The following ENOX1 variants were observed in gnomAD, a reference collection of about 807,000 sequenced individuals.
ENOX1 encodes candidate growth-related and time keeping constitutive hydroquinone (NADH) oxidase.
A neutral mutation model predicts 82.5 loss-of-function variants in ENOX1; 42 were observed. That is an observed-to-expected ratio of 0.51 (90% CI 0.40 to 0.66). The LOEUF is 0.66. Among genes scored for constraint, ENOX1 ranks in the 30% least tolerant of loss-of-function variants. The pLI is 0.00. For synonymous variants in ENOX1, 271 were observed against 282.2 expected, an observed-to-expected ratio of 0.96 and a Z score of 0.40; for missense variants, 608 against 811.6, an observed-to-expected ratio of 0.75 and a Z score of 3.05.
At chr13:43,548,888 T>C (rs967946183) in intron 2 of ENOX1, among the ~76,000 whole-genome samples, 2 of 152,162 alleles carry the variant, frequency 1.3e-5, no homozygotes, top group Non-Finnish European at 2.9e-5. Context: ...TATTACCTTC[T>C]GCAAAAGCGC....
intron 1 of ENOX1, among the ~76,000 whole-genome samples, chr13:43,780,247 A>G (rs1286957294): frequency 6.6e-6 from 1 of 152,042 alleles, no homozygotes; most frequent in Non-Finnish European, 1.5e-5. Context: ...ACAAATGTTT[A>G]TTAAAGAAAT....
chr13:43,381,467 C>T (rs2052034581), intron 5 of ENOX1, among the ~76,000 whole-genome samples: 1 of 72,034 alleles, frequency 1.4e-5, no homozygotes, highest in Admixed American at 1.7e-4. Context: ...TGGCTTCTAT[C>T]TTATAAAAAA....
intron 14 of ENOX1, 78 bp downstream of exon 14, chr13:43,265,320 G>C: frequency 8.2e-7 from 1 of 1,214,026 alleles, no homozygotes; most frequent in Admixed American, 2.1e-5. Context: ...TCCTTTATGT[G>C]GTAGATAAAG....
chr13:43,263,967 C>T (rs1048393354), intron 14 of ENOX1, among the ~76,000 whole-genome samples: 1 of 152,196 alleles, frequency 6.6e-6, no homozygotes, highest in Non-Finnish European at 1.5e-5. Flanking sequence ...ACAACATTGC[C>T]TATGGGGAGC....
chr13:43,483,553 T>A (rs2058587202), intron 3 of ENOX1, among the ~76,000 whole-genome samples: 1 of 152,156 alleles, frequency 6.6e-6, no homozygotes, highest in Admixed American at 6.5e-5. Context: ...ATGAAAACAT[T>A]CAGGGCACTG....
intron 11 of ENOX1, among the ~76,000 whole-genome samples, chr13:43,317,571 T>C (rs563559596): frequency 6.6e-6 from 1 of 151,906 alleles, no homozygotes; most frequent in East Asian, 1.9e-4. Flanking sequence ...TTTTTTAACA[T>C]AAATCTTCCA....
chr13:43,380,271 A>C (rs560382299), intron 5 of ENOX1, among the ~76,000 whole-genome samples: 1 of 151,732 alleles, frequency 6.6e-6, no homozygotes, highest in Non-Finnish European at 1.5e-5. Flanking sequence ...AGAAAAAAAA[A>C]ATTTTTACTT....
chr13:43,256,573 T>G (rs752993929), intron 14 of ENOX1, among the ~76,000 whole-genome samples: 1 of 152,174 alleles, frequency 6.6e-6, no homozygotes, highest in Non-Finnish European at 1.5e-5. Flanking sequence ...TGAACATCAC[T>G]AATTATCAGG....
intron 11 of ENOX1, among the ~76,000 whole-genome samples, chr13:43,321,884 T>C (rs1250384777): frequency 6.6e-6 from 1 of 152,222 alleles, no homozygotes; most frequent in Admixed American, 6.5e-5. Flanking sequence ...TTTCTCTTCT[T>C]TGTACAACCT....
At chr13:43,427,126 A>G (rs1440813740) in intron 3 of ENOX1, among the ~76,000 whole-genome samples, 1 of 152,172 alleles carries the variant, frequency 6.6e-6, no homozygotes, top group Non-Finnish European at 1.5e-5. Flanking sequence ...TGTTTTAAAA[A>G]TATTATTGCT....
At chr13:43,406,735 C>T (rs1416384199) in intron 5 of ENOX1, among the ~76,000 whole-genome samples, 5 of 152,054 alleles carry the variant, frequency 3.3e-5, no homozygotes, top group Admixed American at 2.6e-4. Context: ...CCTCTTGATC[C>T]GCCTGCCTCA....
chr13:43,313,299 G>A (rs909178501), intron 11 of ENOX1, among the ~76,000 whole-genome samples: 2 of 152,126 alleles, frequency 1.3e-5, no homozygotes, highest in African/African-American at 4.8e-5. Context: ...CTTAGAATAA[G>A]AAATTATAAG....
intron 15 of ENOX1, among the ~76,000 whole-genome samples, chr13:43,225,723 C>G (rs2153453082): frequency 6.6e-6 from 1 of 152,260 alleles, no homozygotes; most frequent in African/African-American, 2.4e-5. Flanking sequence ...GTTCCCAGTT[C>G]ATCCTCAGGC....
intron 1 of ENOX1, among the ~76,000 whole-genome samples, chr13:43,771,577 G>A (rs1262747090): frequency 2.0e-5 from 3 of 152,158 alleles, no homozygotes; most frequent in Non-Finnish European, 4.4e-5. Context: ...TCTGAGTGCT[G>A]TAGATTCAGG....
chr13:43,227,925 C>T (rs8000048), intron 15 of ENOX1, among the ~76,000 whole-genome samples: 120,157 of 151,766 alleles, frequency 0.79, 47,945 homozygotes, highest in South Asian at 0.87. Flanking sequence ...TCATCCTCCC[C>T]GGTACCTTGC....
At chr13:43,541,196 T>TTTTTTTTTC (rs2078708300) in intron 2 of ENOX1, among the ~76,000 whole-genome samples, 1 of 84,062 alleles carries the variant, frequency 1.2e-5, no homozygotes, top group South Asian at 3.0e-4. Context: ...TTTTTTTTTT[T>TTTTTTTTTC]TTGCTAAAAA....
intron 6 of ENOX1, among the ~76,000 whole-genome samples, chr13:43,360,443 T>C (rs2050425342): frequency 6.6e-6 from 1 of 152,026 alleles, no homozygotes; most frequent in African/African-American, 2.4e-5. Context: ...TTGTCTTGTT[T>C]CCAGATAAAG....
chr13:43,341,225 G>A (rs1362618183), intron 9 of ENOX1, among the ~76,000 whole-genome samples: 1 of 151,986 alleles, frequency 6.6e-6, no homozygotes, highest in African/African-American at 2.4e-5. Flanking sequence ...TGAACCCGGA[G>A]GCAGAGGTTG....
At chr13:43,526,743 G>A (rs886107478) in intron 2 of ENOX1, among the ~76,000 whole-genome samples, 2 of 152,070 alleles carry the variant, frequency 1.3e-5, no homozygotes, top group East Asian at 1.9e-4. Context: ...TTCTTAACTT[G>A]GAATCATTAT....
Sources: gnomAD v4.1 joint callset for allele counts (sites outside exome capture counted in the v4.1 genomes callset) on GRCh38, gnomAD v4.1.1 for gene constraint, MANE v1.5 for transcripts, NCBI Gene and HGNC (gene_info 2026-07-23, HGNC 2026-07-21) for gene names.